The following HDAC8 variants were observed in gnomAD, a reference collection of about 807,000 sequenced individuals.
The protein encoded by HDAC8 is histone deacetylase-like 1.
In HDAC8, 1 loss-of-function variant was observed where a neutral mutation model predicts 32.2. The ratio of observed to expected loss-of-function variants is 0.03; its 90% CI spans 0.01 to 0.15. The LOEUF (loss-of-function observed/expected upper bound fraction) is 0.15. HDAC8 is among the 10% of genes least tolerant of loss of function. The probability of loss-of-function intolerance (pLI) is 1.00; values close to 1 mark genes in which losing one functional copy is unlikely to be tolerated. For synonymous variants in HDAC8, 108 were observed against 113.9 expected (o/e 0.95, Z 0.33); for missense variants, 117 against 300.0 (o/e 0.39, Z 4.51).
intron 4 of HDAC8, among the ~76,000 whole-genome samples, chrX:72,522,147 C>T (rs1457646422): frequency 8.9e-6 from 1 of 112,050 alleles, no homozygotes; most frequent in African/African-American, 3.2e-5. Context: ...GGGTAAGCCA[C>T]TAAACCTCTC....
At chrX:72,552,838 T>C (rs2051134691) in intron 4 of HDAC8, among the ~76,000 whole-genome samples, 1 of 108,820 alleles carries the variant, frequency 9.2e-6, no homozygotes, top group Non-Finnish European at 1.9e-5. Context: ...TATATATATA[T>C]GTGTATCACA....
At chrX:72,434,961 A>G (rs1470154969) in intron 9 of HDAC8, among the ~76,000 whole-genome samples, 1 of 112,059 alleles carries the variant, frequency 8.9e-6, no homozygotes, top group Non-Finnish European at 1.9e-5. Flanking sequence ...TGTCTGATAA[A>G]TATATTTATT....
At chrX:72,540,930 A>G (rs782380381) in intron 4 of HDAC8, among the ~76,000 whole-genome samples, 1 of 111,281 alleles carries the variant, frequency 9.0e-6, no homozygotes, top group Non-Finnish European at 1.9e-5. Flanking sequence ...CAACAATACG[A>G]GCTGGGGCCT....
At chrX:72,377,510 A>G (rs1293701802) in intron 9 of HDAC8, among the ~76,000 whole-genome samples, 1 of 111,663 alleles carries the variant, frequency 9.0e-6, no homozygotes, top group Non-Finnish European at 1.9e-5. Flanking sequence ...ATCTCCAACT[A>G]TTATTGTTAA....
At chrX:72,361,430 C>A (rs1013719446) in intron 9 of HDAC8, among the ~76,000 whole-genome samples, 1 of 111,340 alleles carries the variant, frequency 9.0e-6, no homozygotes, top group East Asian at 2.8e-4. Flanking sequence ...CACTCTGTCA[C>A]CCAGGCTGGT....
rs1239802568 is a variant in HDAC8, at chrX:72,356,146, G to C, written c.1006-4308C>G. Among the ~76,000 whole-genome samples, 2 of 111,946 alleles carry C rather than the reference G, an allele frequency of 1.8e-5. 1 individual carries two copies. Among genetic ancestry groups the C allele is most frequent in the Non-Finnish European group, 3.8e-5 (2 of 53,217 alleles). On this transcript the variant is annotated intron_variant, in intron 9 of 10. Transcript: ENST00000373573. ...CCCAGGACAGTAGGATAACTTGACA[G>C]AAGTCATGCAGCTGGTATGTGTGGA...
chrX:72,459,718 C>T (rs1044665443), intron 9 of HDAC8, among the ~76,000 whole-genome samples: 1 of 111,415 alleles, frequency 9.0e-6, no homozygotes, highest in African/African-American at 3.3e-5. Context: ...CCCTCCCTCC[C>T]TAGCTGCTTG....
intron 9 of HDAC8, among the ~76,000 whole-genome samples, chrX:72,397,467 GT>G (rs2045793969): frequency 9.0e-6 from 1 of 111,497 alleles, no homozygotes; most frequent in South Asian, 3.8e-4. Flanking sequence ...ATTTCTACAT[GT>G]AAAATACTTA....
intron 10 of HDAC8, among the ~76,000 whole-genome samples, chrX:72,334,711 G>A (rs1012744511): frequency 8.9e-6 from 1 of 112,159 alleles, no homozygotes; most frequent in South Asian, 3.7e-4. Flanking sequence ...TTTTGGAGGC[G>A]AGATGTAGCT....
intron 7 of HDAC8, among the ~76,000 whole-genome samples, chrX:72,465,445 C>A (rs2047993618): frequency 9.1e-6 from 1 of 109,649 alleles, no homozygotes; most frequent in Admixed American, 9.7e-5. Flanking sequence ...TTGATAGAAC[C>A]CTTGTAGATG....
intron 9 of HDAC8, among the ~76,000 whole-genome samples, chrX:72,427,290 A>T (rs2046666854): frequency 9.0e-6 from 1 of 111,073 alleles, no homozygotes; most frequent in Admixed American, 9.5e-5. Flanking sequence ...ATAAAGACAC[A>T]TGCACACGTA....
At chrX:72,382,439 G>A in intron 9 of HDAC8, among the ~76,000 whole-genome samples, 1 of 112,159 alleles carries the variant, frequency 8.9e-6, no homozygotes, top group Non-Finnish European at 1.9e-5. Context: ...ATTCACTCTA[G>A]GTTGTATTCA....
chrX:72,336,872 C>G (rs1191773128), intron 10 of HDAC8, among the ~76,000 whole-genome samples: 3 of 111,236 alleles, frequency 2.7e-5, no homozygotes, highest in Non-Finnish European at 5.7e-5. Flanking sequence ...ACCTCAGCCT[C>G]CTGAGCAGCT....
Position 72,484,183 on chromosome X carries a change from C to G in HDAC8, c.737+4750G>C, listed in dbSNP as rs185035133. The stretch of plus-strand genomic sequence containing the variant: ...AGGTTTCTTTCAATTTTGAGCTATA[C>G]AATATAAGCCATAGAACTCAAGGCA... On this transcript the variant is annotated intron_variant, in intron 7 of 10. Transcript: ENST00000373573. Among the ~76,000 whole-genome samples the G allele has an allele frequency of 1.7e-3, 193 of 111,820 alleles. 1 individual carries two copies. Among genetic ancestry groups the G allele is most frequent in the African/African-American group, 5.9e-3 (183 of 30,780 alleles).
intron 4 of HDAC8, among the ~76,000 whole-genome samples, chrX:72,543,753 G>T (rs1191891608): frequency 4.4e-5 from 5 of 112,508 alleles, no homozygotes; most frequent in African/African-American, 1.6e-4. Context: ...ACCCCTAAAG[G>T]GTCTGATTCC....
At chrX:72,342,539 T>G (rs1555945396) in intron 10 of HDAC8, among the ~76,000 whole-genome samples, 1 of 112,499 alleles carries the variant, frequency 8.9e-6, no homozygotes, top group Admixed American at 9.4e-5. Context: ...TTACCTTATT[T>G]TTCCTAATAA....
intron 4 of HDAC8, among the ~76,000 whole-genome samples, chrX:72,553,995 T>C (rs782142209): frequency 8.9e-6 from 1 of 112,328 alleles, no homozygotes; most frequent in Non-Finnish European, 1.9e-5. Flanking sequence ...TTTTTGTTCA[T>C]TTATCTGAGT....
intron 4 of HDAC8, among the ~76,000 whole-genome samples, chrX:72,562,622 A>G (rs1000699634): frequency 1.8e-5 from 2 of 111,165 alleles, no homozygotes; most frequent in Non-Finnish European, 3.8e-5. Context: ...AGAAATCACT[A>G]CTAAATAACT....
intron 9 of HDAC8, among the ~76,000 whole-genome samples, chrX:72,424,173 A>G (rs782134192): frequency 1.8e-5 from 2 of 112,163 alleles, no homozygotes; most frequent in South Asian, 3.7e-4. Flanking sequence ...GAGAAGTCCA[A>G]TGCCATTCTG....
Sources: allele counts gnomAD v4.1 joint callset (sites outside exome capture counted in the v4.1 genomes callset), GRCh38; gene constraint gnomAD v4.1.1; transcripts MANE v1.5; gene names NCBI Gene and HGNC (gene_info 2026-07-23, HGNC 2026-07-21).